Variants in SMAD7 observed in about 807,000 individuals in gnomAD.
SMAD7 encodes the protein SMAD family member 7.
SMAD7 carries 8 observed loss-of-function variants against 38.7 expected under a neutral mutation model. That is an observed-to-expected ratio of 0.21 (90% confidence interval 0.12 to 0.37). The LOEUF (loss-of-function observed/expected upper bound fraction) is 0.37, where lower values mean the gene tolerates loss of function less well. SMAD7 is among the 10% of genes least tolerant of loss of function. The pLI is 1.00. For missense variants in SMAD7, 477 were observed against 577.9 expected (o/e 0.83, Z 1.79); for synonymous variants, 327 against 265.1 (o/e 1.23, Z -2.27).
chr18:48,926,756 C>T (rs76997346), intron 3 of SMAD7, among the ~76,000 whole-genome samples: 3,111 of 152,300 alleles, frequency 0.02, 108 homozygotes, highest in African/African-American at 0.071. Flanking sequence ...GCGCCACCAA[C>T]GGTTGCCTCA....
At chr18:48,934,004 T>C (rs998599466) in intron 3 of SMAD7, among the ~76,000 whole-genome samples, 3 of 152,178 alleles carry the variant, frequency 2.0e-5, no homozygotes, top group African/African-American at 7.2e-5. Context: ...TAAAGACGGC[T>C]CCTTGGCAGC....
At chr18:48,926,508 C>T (rs995606292) in intron 3 of SMAD7, among the ~76,000 whole-genome samples, 3 of 152,230 alleles carry the variant, frequency 2.0e-5, no homozygotes, top group African/African-American at 7.2e-5. Context: ...AACAGGGCCA[C>T]GGGCCTATCA....
intron 3 of SMAD7, among the ~76,000 whole-genome samples, chr18:48,936,581 G>T (rs868150646): frequency 1.3e-5 from 2 of 152,326 alleles, no homozygotes; most frequent in Middle Eastern, 3.4e-3. Flanking sequence ...AAGCAAGAAA[G>T]TTATCTGGGA....
chr18:48,936,805 C>A (rs1260634878), intron 3 of SMAD7, among the ~76,000 whole-genome samples: 1 of 152,164 alleles, frequency 6.6e-6, no homozygotes, highest in Non-Finnish European at 1.5e-5. Flanking sequence ...AGAGGCCGGG[C>A]GCAGTGGCTC....
chr18:48,946,265 A>C (rs2070193802), intron 2 of SMAD7, among the ~76,000 whole-genome samples: 1 of 152,208 alleles, frequency 6.6e-6, no homozygotes, highest in Non-Finnish European at 1.5e-5. Context: ...AACCTAAGGG[A>C]CATAGAAACT....
At chr18:48,924,728 C>G (rs1219134602) in intron 3 of SMAD7, among the ~76,000 whole-genome samples, 2 of 152,130 alleles carry the variant, frequency 1.3e-5, no homozygotes, top group Non-Finnish European at 1.5e-5. Flanking sequence ...AGCTCCCCCA[C>G]CAGCAGCCTC....
chr18:48,942,661 CA>C (rs2070155264), intron 2 of SMAD7, 106 bp from the exon 3 acceptor site: 1 of 1,593,950 alleles, frequency 6.3e-7, no homozygotes, highest in East Asian at 2.2e-5. Flanking sequence ...CCACACATTC[CA>C]AAAGGCTGAC....
Position 48,921,889 on chromosome 18 carries a change from G to A in SMAD7, c.764C>T (p.Pro255Leu). 1.2e-6 allele frequency: 2 copies of A among 1,605,648 alleles called. No individual in the cohort carries two copies. The highest frequency in any genetic ancestry group is 1.7e-6 in the Non-Finnish European group (2 of 1,178,082). The stretch of plus-strand genomic sequence containing the variant: ...CACGCACCAGTGTGACCGATCCCCA[G>A]GCTCCAGAAGAAGTTGGGAATCTAG... ...GLSDSQLLLE[P>L]GDRSHWCVVA... The change falls in exon 4 of 4, where the codon CCT becomes CTT. Residue 255 changes from proline to leucine, a missense_variant. Pro to Leu is a moderately conservative substitution (Grantham distance 98). Coordinates refer to ENST00000262158, the MANE Select transcript of SMAD7 (RefSeq NM_005904.4). This position sits in a 1 kb window ranked among gnomAD's most constrained non-coding sequence, Gnocchi z 6.4.
At chr18:48,931,944 A>C (rs1334591173) in intron 3 of SMAD7, among the ~76,000 whole-genome samples, 2 of 150,614 alleles carry the variant, frequency 1.3e-5, no homozygotes, top group African/African-American at 5.0e-5. Context: ...GAGTTTTTGC[A>C]GGCCCCACGA....
intron 3 of SMAD7, 106 bp downstream of exon 3, chr18:48,942,375 G>C: frequency 1.4e-6 from 1 of 729,154 alleles, no homozygotes; most frequent in Non-Finnish European, 2.3e-6. Flanking sequence ...AAATGAGAAT[G>C]AAGTCCAGAC....
At chr18:48,945,922 C>T (rs2070189659) in intron 2 of SMAD7, among the ~76,000 whole-genome samples, 1 of 152,164 alleles carries the variant, frequency 6.6e-6, no homozygotes, top group Non-Finnish European at 1.5e-5. Context: ...CCACAAGTCA[C>T]AACTGGCCTC....
intron 2 of SMAD7, among the ~76,000 whole-genome samples, chr18:48,944,752 G>A (rs1170715044): frequency 6.6e-6 from 1 of 152,226 alleles, no homozygotes; most frequent in Non-Finnish European, 1.5e-5. Context: ...GCTCCGCATA[G>A]ACAGATCTCT....
chr18:48,946,173 T>C (rs1031640462), intron 2 of SMAD7, among the ~76,000 whole-genome samples: 1 of 152,212 alleles, frequency 6.6e-6, no homozygotes, highest in Non-Finnish European at 1.5e-5. Context: ...TTCCTTTAGT[T>C]GTGCAACTGG....
At position 48,942,504 on chromosome 18, in the gene SMAD7, T is replaced by C. The variant is rs1253070276; in HGVS notation, c.719A>G (p.Tyr240Cys). ...ACCTGAAAGCCCCCCAGGGGCCAGATAATTCGTTCCCCCTGTTTCAGCGGA... is the reference window on the plus strand; with the variant it reads ...ACCTGAAAGCCCCCCAGGGGCCAGACAATTCGTTCCCCCTGTTTCAGCGGA... The part of the protein sequence containing the change: ...PSSAETGGTN[Y>C]LAPGGLSDSQ... Residue 240 changes from tyrosine to cysteine, a missense_variant, in exon 3 of 4, where the codon TAT becomes TGT. This residue lies in a region of SMAD7 where 376 missense variants were observed against 379.4 expected (regional missense o/e 0.99). Coordinates refer to ENST00000262158, the MANE Select transcript of SMAD7 (RefSeq NM_005904.4). 1.2e-6 allele frequency: 2 copies of C among 1,600,292 alleles called. No homozygotes were observed. Among genetic ancestry groups the C allele is most frequent in the South Asian group, 1.1e-5 (1 of 88,918 alleles).
At chr18:48,923,216 C>T (rs2069884864) in intron 3 of SMAD7, among the ~76,000 whole-genome samples, 1 of 152,260 alleles carries the variant, frequency 6.6e-6, no homozygotes, top group African/African-American at 2.4e-5. Flanking sequence ...GCCCCAGCTC[C>T]TCCTCTTGGG....
intron 2 of SMAD7, among the ~76,000 whole-genome samples, chr18:48,945,795 TACAATGAA>T (rs898792225): frequency 2.0e-4 from 31 of 152,156 alleles, no homozygotes; most frequent in South Asian, 1.7e-3. Context: ...GACCATCAGA[TACAATGAA>T]ACACGGGAAG....
At chr18:48,927,156 T>C (rs745645497) in intron 3 of SMAD7, among the ~76,000 whole-genome samples, 12 of 151,848 alleles carry the variant, frequency 7.9e-5, no homozygotes, top group Non-Finnish European at 1.6e-4. Context: ...TTAGAGTGAG[T>C]TCCTCATGGA....
At position 48,946,250 on chromosome 18, in the gene SMAD7, A is replaced by T. The variant is rs931334349; in HGVS notation, c.667+2134T>A. 2.6e-4 allele frequency among the ~76,000 whole-genome samples: 39 copies of T among 152,164 alleles called. 1 individual carries two copies. Among genetic ancestry groups the T allele is most frequent in the Non-Finnish European group, 7.4e-5 (5 of 68,022 alleles). ...TTTCATCTAGTAACCCAAGACCAAA[A>T]ATTCAACCTAAGGGACATAGAAACT... On this transcript the variant is annotated intron_variant, in intron 2 of 3. Coordinates refer to ENST00000262158, the MANE Select transcript of SMAD7 (RefSeq NM_005904.4).
At chr18:48,949,680 GTA>G in intron 1 of SMAD7, 130 bp downstream of exon 1, 1 of 963,718 alleles carries the variant, frequency 1.0e-6, no homozygotes, top group Non-Finnish European at 1.5e-6. Flanking sequence ...TCCCAGGAGG[GTA>G]TGCACACTCT....
Sources: gnomAD v4.1 joint callset for allele counts (sites outside exome capture counted in the v4.1 genomes callset) on GRCh38, gnomAD v4.1.1 for gene constraint, gnomAD v4.1.1 regional missense constraint, Gnocchi (gnomAD v3.1) non-coding constraint, MANE v1.5 for transcripts, NCBI Gene and HGNC (gene_info 2026-07-23, HGNC 2026-07-21) for gene names.